Variants in MMP27 observed in about 807,000 individuals in gnomAD.
MMP27 encodes the protein matrix metallopeptidase 27.
In MMP27, 51 loss-of-function variants were observed where a neutral mutation model predicts 48.1. The ratio of observed to expected loss-of-function variants is 1.06; its 90% CI spans 0.85 to 1.34. MMP27 has a LOEUF of 1.34. MMP27 is among the 40% of genes most tolerant of loss of function. The pLI, the probability that MMP27 is intolerant of heterozygous loss-of-function variation, is 0.00. For synonymous variants in MMP27, 229 were observed against 208.9 expected (o/e 1.10, Z -0.83); for missense variants, 698 against 619.3 (o/e 1.13, Z -1.35).
At chr11:102,702,212 G>A (rs1591661938) in intron 4 of MMP27, among the ~76,000 whole-genome samples, 1 of 152,264 alleles carries the variant, frequency 6.6e-6, no homozygotes, top group East Asian at 1.9e-4. Flanking sequence ...TTCCTTTGCA[G>A]CTGGGCAAGA....
chr11:102,702,684 T>TA (rs1165277723), intron 4 of MMP27, 69 bp downstream of exon 4: 18 of 1,509,748 alleles, frequency 1.2e-5, no homozygotes, highest in Non-Finnish European at 1.4e-5. Flanking sequence ...AGCAGCTAGT[T>TA]ACAAAGCTAT....
intron 4 of MMP27, among the ~76,000 whole-genome samples, chr11:102,701,918 C>T (rs1395888227): frequency 6.6e-6 from 1 of 152,144 alleles, no homozygotes; most frequent in East Asian, 1.9e-4. Flanking sequence ...GTATACTATC[C>T]ATCAGGACCA....
chr11:102,700,285 T>C (rs1860915711), intron 4 of MMP27, among the ~76,000 whole-genome samples: 1 of 152,236 alleles, frequency 6.6e-6, no homozygotes, highest in African/African-American at 2.4e-5. Context: ...ATGACAAAAG[T>C]CTCTGTCTCA....
rs775697970 is a variant in MMP27 at position 102,703,107 on chromosome 11, T to C, written c.353A>G (p.Tyr118Cys). ...AGCAGCTCGTGCCATATCCGGAGTATAGTTTATTATTCTTAAAAATTAACA... is the reference window on the plus strand; with the variant it reads ...AGCAGCTCGTGCCATATCCGGAGTACAGTTTATTATTCTTAAAAATTAACA... ...KYNLTYRIIN[Y>C]TPDMARAAVD... Residue 118 changes from tyrosine (Y) to cysteine (C), a missense_variant, in exon 3 of 10, where the codon TAT becomes TGT. Coordinates refer to ENST00000260229, the MANE Select transcript of MMP27 (RefSeq NM_022122.3). 3.1e-6 allele frequency: 5 copies of C among 1,611,214 alleles called. No individual in the cohort carries two copies. The Admixed American group carries it at 6.7e-5, about 22-fold the overall frequency.
In MMP27 at chr11:102,704,474, T is replaced by C. The variant is rs201294047; in HGVS notation, c.341+63A>G. ...AGTCAATTGAATGAATATTATTCTG[T>C]TCCTTGGAAATTATCTTTATGTTCC... On this transcript the variant is annotated intron_variant, in intron 2 of 9. Coordinates refer to ENST00000260229, the MANE Select transcript of MMP27 (RefSeq NM_022122.3). 2,383 of 1,265,168 alleles carry C rather than the reference T, an allele frequency of 1.9e-3. 4 individuals carry two copies. The highest frequency in any genetic ancestry group is 2.5e-3 in the Middle Eastern group (13 of 5,244). 78.4% of individuals were successfully genotyped at this position (1,265,168 alleles called of 1,614,324 possible).
chr11:102,702,065 C>T (rs921341502), intron 4 of MMP27, among the ~76,000 whole-genome samples: 92 of 152,316 alleles, frequency 6.0e-4, no homozygotes, highest in African/African-American at 2.1e-3. Flanking sequence ...ACATTGCTAC[C>T]TGTTAATATA....
intron 9 of MMP27, 140 bp from the exon 10 acceptor site, chr11:102,692,150 C>A: frequency 4.1e-6 from 3 of 724,032 alleles, no homozygotes; most frequent in Non-Finnish European, 6.2e-6. Context: ...TTTTAGTTTT[C>A]TACTGTCATG....
At chr11:102,698,757 C>A (rs1860881136) in intron 4 of MMP27, among the ~76,000 whole-genome samples, 1 of 152,172 alleles carries the variant, frequency 6.6e-6, no homozygotes, top group Non-Finnish European at 1.5e-5. Flanking sequence ...AATAACATAT[C>A]TCTTCCACTT....
Position 102,704,781 on chromosome 11 carries a change from CA to C in MMP27, c.103-7del. On this transcript the variant is annotated splice_polypyrimidine_tract_variant and splice_region_variant and intron_variant, in intron 1 of 9. Transcript: ENST00000260229. ...TAGAACTGGTTGAGATATGCCTGAC[CA>C]AAAAGATAAGAAAAAAAAAAAAGAG... The C allele has an allele frequency of 6.7e-7, 1 of 1,483,248 alleles. No individual in the cohort carries two copies. The highest frequency in any genetic ancestry group is 9.1e-7 in the Non-Finnish European group (1 of 1,094,324). The allele number at this position is 1,483,248 out of a possible 1,614,324, so 91.9% of individuals were successfully genotyped here. A position where few individuals can be genotyped will look rare whatever the true frequency, so the allele number is the denominator to read the frequency against.
intron 8 of MMP27, 82 bp from the exon 9 acceptor site, chr11:102,693,123 G>A (rs2134260633): frequency 4.9e-6 from 5 of 1,016,560 alleles, no homozygotes; most frequent in East Asian, 4.9e-5. Context: ...TTAGAGTCAA[G>A]CAGGGATGTG....
Position 102,691,840 on chromosome 11 carries a change from A to T in MMP27, c.1468T>A (p.Leu490Met). Residue 490 changes from leucine to methionine, a missense_variant, in exon 10 of 10, where the codon TTG becomes ATG. Transcript: ENST00000260229. ...AACAAGCTTAAACTCTTATGATACA[A>T]TATCTTTATGCCTCCTGAATGTGCT... is the stretch of plus-strand genomic sequence containing the variant. ...EKAHSGGIKI[L>M]YHKSLSLFIF... 6.2e-7 allele frequency: 1 copy of T among 1,612,912 alleles called. No homozygotes were observed. The highest frequency in any genetic ancestry group is 8.5e-7 in the Non-Finnish European group (1 of 1,179,268).
chr11:102,693,106 G>A (rs569724839), intron 8 of MMP27, 65 bp from the exon 9 acceptor site: 29 of 1,246,656 alleles, frequency 2.3e-5, no homozygotes, highest in Admixed American at 6.9e-5. Context: ...TTTGTCTACC[G>A]CACAACTTAG....
intron 2 of MMP27, among the ~76,000 whole-genome samples, chr11:102,703,432 T>C (rs892682784): frequency 5.9e-5 from 9 of 152,206 alleles, no homozygotes; most frequent in Non-Finnish European, 1.0e-4. Context: ...GGCTTGTATA[T>C]GAAAGTATTA....
At chr11:102,699,957 C>A (rs1235198488) in intron 4 of MMP27, among the ~76,000 whole-genome samples, 3 of 152,318 alleles carry the variant, frequency 2.0e-5, no homozygotes, top group East Asian at 1.9e-4. Context: ...CTTGACATAG[C>A]TTCCTCTGCT....
chr11:102,696,785 G>T lies in MMP27; in HGVS notation c.670C>A (p.Leu224Ile). The T allele has an allele frequency of 6.2e-7, 1 of 1,613,494 alleles. No homozygotes were observed. Among genetic ancestry groups the T allele is most frequent in the South Asian group, 1.1e-5 (1 of 90,940 alleles). ...GCTGTTTGATCATTGGAGTGAGAGA[G>T]CCCCAGTGCATGACCAAATTCATGA... ...AAHEFGHALGLSHSNDQTALM... is the reference protein window; with the variant it reads ...AAHEFGHALGISHSNDQTALM... Residue 224 changes from leucine to isoleucine, a missense_variant, in exon 5 of 10, where the codon CTC becomes ATC. By Grantham distance (5) the Leu-to-Ile change is conservative. Coordinates refer to ENST00000260229, the MANE Select transcript of MMP27 (RefSeq NM_022122.3).
intron 4 of MMP27, among the ~76,000 whole-genome samples, chr11:102,698,785 C>T (rs969910045): frequency 4.6e-5 from 7 of 152,192 alleles, no homozygotes; most frequent in Non-Finnish European, 1.0e-4. Flanking sequence ...GCTTAACTAT[C>T]CTATTTATTC....
rs1173034194 is a variant in MMP27 at position 102,696,844 on chromosome 11, T to C, written c.620-9A>G. ...AAGAAACAAGTTGAATCCTTGATAA[T>C]AACAGGGAAAACACGAGCACATGAC... On this transcript the variant is annotated splice_polypyrimidine_tract_variant and intron_variant, in intron 4 of 9. Coordinates refer to ENST00000260229, the MANE Select transcript of MMP27 (RefSeq NM_022122.3). 5 of 1,604,440 alleles carry C rather than the reference T, an allele frequency of 3.1e-6. No homozygotes were observed. The highest frequency in any genetic ancestry group is 3.4e-6 in the Non-Finnish European group (4 of 1,177,216).
At chr11:102,692,836 C>T in intron 9 of MMP27, 102 bp downstream of exon 9, 2 of 899,142 alleles carry the variant, frequency 2.2e-6, no homozygotes, top group South Asian at 3.2e-5. Flanking sequence ...TTAAGAGTAG[C>T]AAAATTGCAT....
intron 4 of MMP27, among the ~76,000 whole-genome samples, chr11:102,699,203 A>C (rs1442089185): frequency 6.6e-6 from 1 of 151,866 alleles, no homozygotes; most frequent in African/African-American, 2.4e-5. Context: ...GTGGTGGTTC[A>C]CTCTTGTAAT....
Sources: gnomAD v4.1 joint callset for allele counts (sites outside exome capture counted in the v4.1 genomes callset) on GRCh38, gnomAD v4.1.1 for gene constraint, MANE v1.5 for transcripts, NCBI Gene and HGNC (gene_info 2026-07-23, HGNC 2026-07-21) for gene names.